The following RABGGTB variants were observed in gnomAD, a reference collection of about 807,000 sequenced individuals.
RABGGTB encodes the protein Rab geranylgeranyltransferase subunit beta, also known as geranylgeranyl transferase type-2 subunit beta.
RABGGTB carries 20 observed loss-of-function variants against 44.5 expected under a neutral mutation model. That is an observed-to-expected ratio of 0.45 (90% CI 0.32 to 0.65). RABGGTB has a LOEUF of 0.65. Among genes scored for constraint, RABGGTB ranks in the 30% least tolerant of loss-of-function variants. The pLI is 0.05. For missense variants in RABGGTB, 302 were observed against 398.7 expected (o/e 0.76, Z 2.06); for synonymous variants, 128 against 136.7 (o/e 0.94, Z 0.44).
chr1:75,787,011 T>C, intron 1 of RABGGTB: 1 of 495,302 alleles, frequency 2.0e-6, no homozygotes, highest in Non-Finnish European at 4.1e-6. Context: ...ATGGTGTTTA[T>C]TTTTTACTTA....
At chr1:75,791,177 A>G (rs992316425) in intron 4 of RABGGTB, 108 bp from the exon 5 acceptor site, 3 of 975,298 alleles carry the variant, frequency 3.1e-6, no homozygotes, top group African/African-American at 1.6e-5. Context: ...CTAAAGTGAA[A>G]GTTAAGCTTG....
At chr1:75,792,074 C>G (rs1473955502) in intron 6 of RABGGTB, 107 bp from the exon 7 acceptor site, 1 of 1,006,768 alleles carries the variant, frequency 9.9e-7, no homozygotes, top group Admixed American at 2.5e-5. Context: ...AGTGTCAGAT[C>G]AAGAAGAAAA....
chr1:75,794,221 G>A lies in RABGGTB; in HGVS notation c.843G>A (p.Arg281=), dbSNP rs1373393362. 2 of 1,607,978 alleles carry A rather than the reference G, an allele frequency of 1.2e-6. No individual in the cohort carries two copies. The highest frequency in any genetic ancestry group is 1.3e-5 in the African/African-American group (1 of 74,690). ...AAGAAACGGGGGGATTTGCAGACAGGCCAGGAGATATGGCAAGTAATATTT... is the reference window on the plus strand; with the variant it reads ...AAGAAACGGGGGGATTTGCAGACAGACCAGGAGATATGGCAAGTAATATTT... ...QDEETGGFAD[R]PGDMVDPFHT... is the part of the protein sequence containing the mutation. The change falls in exon 8 of 9, where the codon AGG becomes AGA. Residue 281 remains arginine, a synonymous_variant. Transcript: ENST00000319942.
intron 2 of RABGGTB, chr1:75,787,973 GAA>G (rs1369648195): frequency 3.8e-6 from 2 of 520,294 alleles, no homozygotes; most frequent in South Asian, 2.9e-5. Flanking sequence ...CTGAGACCTT[GAA>G]AAAGTTTTAC....
rs1649717807 is a variant in RABGGTB, at chr1:75,794,297, A to G, written c.855+64A>G. The G allele has an allele frequency of 1.4e-5, 21 of 1,521,556 alleles. No individual in the cohort carries two copies. The South Asian group carries it at 2.6e-4, about 19-fold the overall frequency. 94.3% of individuals were successfully genotyped at this position (1,521,556 alleles called of 1,614,324 possible). ...AGCGTTTGCATTACTTCATGGTTCC[A>G]TGGATTTCCAGGGTGGCATTCCGAG... On this transcript the variant is annotated intron_variant, in intron 8 of 8. Coordinates refer to ENST00000319942, the MANE Select transcript of RABGGTB (RefSeq NM_004582.4).
intron 1 of RABGGTB, chr1:75,786,766 G>C (rs1570926420): frequency 3.4e-6 from 1 of 293,440 alleles, no homozygotes; most frequent in Admixed American, 5.1e-5. Context: ...ATCACATGGG[G>C]ACTTCTGCAA....
rs556725396 is a variant in RABGGTB at position 75,792,232 on chromosome 1, A to G, written c.631A>G (p.Asn211Asp). 3 of 1,614,012 alleles carry G rather than the reference A, an allele frequency of 1.9e-6. No individual in the cohort carries two copies. The highest frequency in any genetic ancestry group is 3.3e-5 in the Admixed American group (2 of 60,004). ...AATTACAAGTCAGTTGCATCAAGTA[A>G]ATTCTGATTTACTTGGCTGGTGGCT... ...LAITSQLHQVNSDLLGWWLCE... is the reference protein window; with the variant it reads ...LAITSQLHQVDSDLLGWWLCE... Residue 211 changes from asparagine (N) to aspartate (D), a missense_variant, in exon 7 of 9, where the codon AAT (asparagine) becomes GAT (aspartate). Physicochemically the swap from Asn to Asp is conservative, Grantham distance 23. This residue lies in a region of RABGGTB where 213 missense variants were observed against 323.7 expected (regional missense o/e 0.66). Coordinates refer to ENST00000319942, the MANE Select transcript of RABGGTB (RefSeq NM_004582.4).
Position 75,794,625 on chromosome 1 carries a change from ATG to A in RABGGTB, c.973_974del (p.Val325SerfsTer3). The A allele has an allele frequency of 1.2e-6, 2 of 1,611,570 alleles. No homozygotes were observed. Among genetic ancestry groups the A allele is most frequent in the African/African-American group, 2.7e-5 (2 of 75,020 alleles). On this transcript the variant is annotated frameshift_variant, in exon 9 of 9. Transcript: ENST00000319942. LOFTEE classifies it high-confidence loss of function. Reference sequence around the variant, plus strand: ...CCTGAAGAAGTGCTTCAGAGAGTGAATGTTCAGCCTGAGCTAGTGAGCTAGAT... The same window carrying A: ...CCTGAAGAAGTGCTTCAGAGAGTGAATTCAGCCTGAGCTAGTGAGCTAGAT...
chr1:75,786,475 C>G (rs913416937), intron 1 of RABGGTB, among the ~76,000 whole-genome samples: 2 of 152,152 alleles, frequency 1.3e-5, no homozygotes, highest in Non-Finnish European at 2.9e-5. Context: ...CTAATTTTAT[C>G]CAGGCCTTCT....
Position 75,789,295 on chromosome 1 carries a change from G to T in RABGGTB, c.248G>T (p.Gly83Val), listed in dbSNP as rs1298088441. ...ATTAAGTCTTGCCAACATGAATGTG[G>T]TGGAATAAGTGCTAGTATCGGACAT... ...AFIKSCQHEC[G>V]GISASIGHDP... Residue 83 changes from glycine (G) to valine (V), a missense_variant, in exon 3 of 9, where the codon GGT becomes GTT. This residue lies in a region of RABGGTB where 213 missense variants were observed against 323.7 expected (regional missense o/e 0.66). Transcript: ENST00000319942. 6.2e-7 allele frequency: 1 copy of T among 1,614,132 alleles called. No homozygotes were observed. Among genetic ancestry groups the T allele is most frequent in the Non-Finnish European group, 8.5e-7 (1 of 1,179,998 alleles).
intron 4 of RABGGTB, 67 bp downstream of exon 4, chr1:75,790,124 C>G: frequency 6.3e-7 from 1 of 1,594,600 alleles, no homozygotes; most frequent in Non-Finnish European, 8.5e-7. Flanking sequence ...TTGCTAGTAA[C>G]CAGTTTATAA....
At chr1:75,788,881 C>T in intron 2 of RABGGTB, 2 of 428,342 alleles carry the variant, frequency 4.7e-6, no homozygotes, top group Admixed American at 8.1e-5. Flanking sequence ...TTTTCTGTCT[C>T]TGGCTCATGG....
intron 3 of RABGGTB, 25 bp downstream of exon 3, chr1:75,789,381 G>C (rs369826065): frequency 3.2e-5 from 50 of 1,586,092 alleles, no homozygotes; most frequent in Non-Finnish European, 4.2e-5. Context: ...AAATTGCAAC[G>C]ATCTTGATAG....
chr1:75,789,067 C>A, intron 2 of RABGGTB, 92 bp from the exon 3 acceptor site: 3 of 1,164,116 alleles, frequency 2.6e-6, no homozygotes, highest in Non-Finnish European at 3.8e-6. Flanking sequence ...GTAAAAATAG[C>A]AGCATGGCTA....
chr1:75,791,499 A>G lies in RABGGTB; in HGVS notation c.507A>G (p.Glu169=), dbSNP rs766710806. ...CTATTAATGTGGAAAAGGCAATCGA[A>G]TTTGTTTTATCCTGTATGAACTTTG... ...LDAINVEKAI[E]FVLSCMNFDG... is the part of the protein sequence containing the mutation. The change falls in exon 6 of 9, where the codon GAA becomes GAG. Residue 169 remains glutamate, a synonymous_variant. Coordinates refer to ENST00000319942, the MANE Select transcript of RABGGTB (RefSeq NM_004582.4). The G allele has an allele frequency of 3.2e-5, 51 of 1,613,242 alleles. No homozygotes were observed. Among genetic ancestry groups the G allele is most frequent in the Non-Finnish European group, 4.1e-5 (48 of 1,179,914 alleles).
At chr1:75,792,933 G>C (rs1484893514) in intron 7 of RABGGTB, among the ~76,000 whole-genome samples, 1 of 152,078 alleles carries the variant, frequency 6.6e-6, no homozygotes, top group Non-Finnish European at 1.5e-5. Flanking sequence ...GGTTCAAGCA[G>C]TTCTGCCTCA....
At chr1:75,789,387 G>A (rs972873139) in intron 3 of RABGGTB, 31 bp downstream of exon 3, 2 of 1,587,536 alleles carry the variant, frequency 1.3e-6, no homozygotes, top group Non-Finnish European at 1.7e-6. Flanking sequence ...CAACGATCTT[G>A]ATAGTATGTT....
At chr1:75,794,308 G>C in intron 8 of RABGGTB, 75 bp downstream of exon 8, 1 of 1,499,286 alleles carries the variant, frequency 6.7e-7, no homozygotes, top group Non-Finnish European at 9.0e-7. Context: ...TGGATTTCCA[G>C]GGTGGCATTC....
In RABGGTB at chr1:75,789,257, G is replaced by A. The variant is rs1433552195; in HGVS notation, c.210G>A (p.Glu70=). 6.2e-7 allele frequency: 1 copy of A among 1,614,100 alleles called. No individual in the cohort carries two copies. The highest frequency in any genetic ancestry group is 8.5e-7 in the Non-Finnish European group (1 of 1,179,984). The change falls in exon 3 of 9, where the codon GAG becomes GAA. Residue 70 remains glutamate, a synonymous_variant. Transcript: ENST00000319942. ...MGQLHRMNRE[E]ILAFIKSCQH... is the part of the protein sequence containing the mutation. ...AACTTCATCGCATGAATAGAGAAGAGATTCTGGCATTTATTAAGTCTTGCC... is the reference window on the plus strand; with the variant it reads ...AACTTCATCGCATGAATAGAGAAGAAATTCTGGCATTTATTAAGTCTTGCC...
Sources: allele counts gnomAD v4.1 joint callset (sites outside exome capture counted in the v4.1 genomes callset), GRCh38; gene constraint gnomAD v4.1.1; regional missense constraint gnomAD v4.1.1; transcripts MANE v1.5; gene names NCBI Gene and HGNC (gene_info 2026-07-23, HGNC 2026-07-21).